The following CLCN3 variants were observed in gnomAD, a reference collection of about 807,000 sequenced individuals.
The protein encoded by CLCN3 is Cl-/H+ antiporter 3.
A neutral mutation model predicts 83.4 loss-of-function variants in CLCN3; 16 were observed. The ratio of observed to expected loss-of-function variants is 0.19; its 90% CI spans 0.13 to 0.29. The LOEUF is 0.29. CLCN3 is among the 10% of genes least tolerant of loss of function. The pLI is 1.00. For synonymous variants in CLCN3, 322 were observed against 346.2 expected, an observed-to-expected ratio of 0.93 and a Z score of 0.78; for missense variants, 544 against 1,006.0, an observed-to-expected ratio of 0.54 and a Z score of 6.21.
intron 3 of CLCN3, among the ~76,000 whole-genome samples, chr4:169,684,536 AGATAATCCTAATCCTAATCCTGATTCATC>A (rs1186270227): frequency 1.3e-5 from 2 of 152,192 alleles, no homozygotes; most frequent in Non-Finnish European, 2.9e-5. Flanking sequence ...TCATGTCCTT[AGATAATCCTAATCCTAATCCTGATTCATC>A]GTAGACATTT....
chr4:169,687,758 G>A lies in CLCN3; in HGVS notation c.418+1G>A. The A allele has an allele frequency of 1.3e-6, 2 of 1,534,120 alleles. No homozygotes were observed. The highest frequency in any genetic ancestry group is 1.8e-6 in the Non-Finnish European group (2 of 1,132,628). Reference sequence around the variant, plus strand: ...GTAACACTAACAGGATTGGCATCAGGTAAAGAAAATTTTTCAAGCAATCCT... The same window carrying A: ...GTAACACTAACAGGATTGGCATCAGATAAAGAAAATTTTTCAAGCAATCCT... On this transcript the variant is annotated splice_donor_variant, in intron 4 of 12. Transcript: ENST00000513761. LOFTEE classifies it high-confidence loss of function.
At chr4:169,715,560 G>T (rs1258830172) in intron 12 of CLCN3, among the ~76,000 whole-genome samples, 2 of 152,008 alleles carry the variant, frequency 1.3e-5, no homozygotes, top group Non-Finnish European at 2.9e-5. Flanking sequence ...TTTTAAAGGA[G>T]ACCATGAAGT....
At chr4:169,646,414 G>A (rs762000761) in intron 2 of CLCN3, among the ~76,000 whole-genome samples, 4 of 152,004 alleles carry the variant, frequency 2.6e-5, no homozygotes, top group African/African-American at 7.2e-5. Context: ...TCAGCCTTCC[G>A]AGTAGCTGGG....
intron 2 of CLCN3, among the ~76,000 whole-genome samples, chr4:169,672,695 GC>G (rs1300224912): frequency 6.6e-6 from 1 of 151,986 alleles, no homozygotes; most frequent in African/African-American, 2.4e-5. Flanking sequence ...ATGGAGTCTT[GC>G]TCTGTCACCC....
chr4:169,634,328 A>G (rs751215459), intron 1 of CLCN3, among the ~76,000 whole-genome samples: 43 of 152,232 alleles, frequency 2.8e-4, no homozygotes, highest in Non-Finnish European at 5.7e-4. Context: ...AAGAAATAAA[A>G]ACAGAGTGTC....
At chr4:169,660,342 TTTC>T in intron 2 of CLCN3, 1 of 1,382,502 alleles carries the variant, frequency 7.2e-7, no homozygotes, top group South Asian at 1.8e-5. Flanking sequence ...TCTTTTTCTT[TTTC>T]TTCTTCTATT....
At chr4:169,707,957 C>T (rs527486423) in intron 11 of CLCN3, among the ~76,000 whole-genome samples, 33 of 152,208 alleles carry the variant, frequency 2.2e-4, no homozygotes, top group South Asian at 6.2e-4. Flanking sequence ...CTTATAGTCC[C>T]GCAGTATTGA....
chr4:169,671,589 A>G (rs1185061788), intron 2 of CLCN3, among the ~76,000 whole-genome samples: 3 of 152,188 alleles, frequency 2.0e-5, no homozygotes, highest in African/African-American at 4.8e-5. Flanking sequence ...CATTCTGAAC[A>G]TGTATCCCAG....
In CLCN3 at chr4:169,689,327, C is replaced by T. The variant is rs919384015; in HGVS notation, c.606+97C>T. On this transcript the variant is annotated intron_variant, in intron 5 of 12. Coordinates refer to ENST00000513761, the MANE Select transcript of CLCN3 (RefSeq NM_001829.4). ...GAACTAATCACATATTAGATGATTA[C>T]ATACACATCAAATGGATCCACCCTC... The T allele has an allele frequency of 7.0e-6, 7 of 997,304 alleles. No individual in the cohort carries two copies. The Admixed American group carries it at 1.6e-4, about 22-fold the overall frequency. 61.8% of individuals were successfully genotyped at this position (997,304 alleles called of 1,614,324 possible).
At chr4:169,690,368 A>T (rs1732319889) in intron 5 of CLCN3, among the ~76,000 whole-genome samples, 162 bp from the exon 6 acceptor site, 1 of 150,166 alleles carries the variant, frequency 6.7e-6, no homozygotes, top group Non-Finnish European at 1.5e-5. Flanking sequence ...CTAGTCTCGA[A>T]CTCCTGACCT....
intron 4 of CLCN3, 119 bp downstream of exon 4, chr4:169,687,876 C>T (rs1732223495): frequency 3.7e-6 from 2 of 544,260 alleles, no homozygotes; most frequent in East Asian, 6.6e-5. Context: ...TGTTTCTCTT[C>T]TTCAAAAAAT....
intron 2 of CLCN3, among the ~76,000 whole-genome samples, chr4:169,650,762 C>T (rs1730709165): frequency 6.6e-6 from 1 of 152,184 alleles, no homozygotes; most frequent in African/African-American, 2.4e-5. Flanking sequence ...TTTGACACTT[C>T]ACATTCTGTT....
At chr4:169,683,882 T>C (rs1369478361) in intron 3 of CLCN3, among the ~76,000 whole-genome samples, 2 of 152,128 alleles carry the variant, frequency 1.3e-5, no homozygotes, top group Non-Finnish European at 2.9e-5. Flanking sequence ...TAACTGGGAT[T>C]ACAGGCATAC....
At chr4:169,652,197 C>T (rs1355089291) in intron 2 of CLCN3, among the ~76,000 whole-genome samples, 1 of 152,114 alleles carries the variant, frequency 6.6e-6, no homozygotes, top group Non-Finnish European at 1.5e-5. Context: ...TAATCACAAC[C>T]CTTCCTTTCC....
chr4:169,622,714 A>G (rs1773138675), intron 1 of CLCN3, among the ~76,000 whole-genome samples: 1 of 152,202 alleles, frequency 6.6e-6, no homozygotes, highest in Non-Finnish European at 1.5e-5. Context: ...AAATTTAACT[A>G]ACTTGCCCTA....
intron 11 of CLCN3, 24 bp from the exon 12 acceptor site, chr4:169,713,055 T>A (rs747774583): frequency 6.3e-7 from 1 of 1,574,986 alleles, no homozygotes; most frequent in East Asian, 2.2e-5. Flanking sequence ...TTTAAAAGTG[T>A]TGGTCTCTTC....
At chr4:169,704,447 A>G (rs911609878) in intron 10 of CLCN3, among the ~76,000 whole-genome samples, 6 of 152,254 alleles carry the variant, frequency 3.9e-5, no homozygotes, top group African/African-American at 9.6e-5. Flanking sequence ...GGCAGAAGCC[A>G]TCTAAGTACA....
At chr4:169,660,446 G>A in intron 2 of CLCN3, 5 of 1,349,218 alleles carry the variant, frequency 3.7e-6, no homozygotes, top group African/African-American at 1.5e-5. Flanking sequence ...TTACATAAAA[G>A]AGGTAATACT....
At chr4:169,711,494 G>T (rs896705644) in intron 11 of CLCN3, among the ~76,000 whole-genome samples, 4 of 152,162 alleles carry the variant, frequency 2.6e-5, no homozygotes, top group African/African-American at 9.7e-5. Flanking sequence ...TGGGATTACA[G>T]GCATGTGCCA....
Sources: allele counts gnomAD v4.1 joint callset (sites outside exome capture counted in the v4.1 genomes callset), GRCh38; gene constraint gnomAD v4.1.1; transcripts MANE v1.5; gene names NCBI Gene and HGNC (gene_info 2026-07-23, HGNC 2026-07-21).